The following NMNAT2 variants were observed in gnomAD, a reference collection of about 807,000 sequenced individuals.
NMNAT2 encodes the protein nicotinamide nucleotide adenylyltransferase 2, also known as nicotinamide/nicotinic acid mononucleotide adenylyltransferase 2.
A neutral mutation model predicts 41.6 loss-of-function variants in NMNAT2; 11 were observed. The ratio of observed to expected loss-of-function variants is 0.26; its 90% CI spans 0.17 to 0.44. NMNAT2 has a LOEUF of 0.44. NMNAT2 is among the 20% of genes least tolerant of loss of function. The pLI, the probability that NMNAT2 is intolerant of heterozygous loss-of-function variation, is 1.00. For missense variants in NMNAT2, 288 were observed against 407.7 expected, an observed-to-expected ratio of 0.71 and a Z score of 2.53; for synonymous variants, 148 against 151.2, an observed-to-expected ratio of 0.98 and a Z score of 0.16.
intron 1 of NMNAT2, among the ~76,000 whole-genome samples, chr1:183,369,431 C>T (rs571149226): frequency 5.9e-4 from 89 of 152,120 alleles, no homozygotes; most frequent in African/African-American, 2.0e-3. Context: ...CATGCACCAC[C>T]ATGCCCAGCT....
rs368308589 is a variant in NMNAT2, at chr1:183,290,140, C to T, written c.309G>A (p.Arg103=). Residue 103 remains arginine (R), a synonymous_variant, in exon 4 of 11, where the codon CGG becomes CGA. Transcript: ENST00000287713. The stretch of plus-strand genomic sequence containing the variant: ...TGGCCCAGCTCACCTTCATGAGGTC[C>T]CGGTGGTGTTCCAACACGCTGCAGG... ...QTTCSVLEHH[R]DLMKRVTGCI... is the part of the protein sequence containing the mutation. 3.1e-5 allele frequency: 49 copies of T among 1,579,716 alleles called. No homozygotes were observed. The African/African-American group carries it at 6.2e-4, about 20-fold the overall frequency.
chr1:183,417,908 C>T (rs1470352067), intron 1 of NMNAT2, among the ~76,000 whole-genome samples: 1 of 152,144 alleles, frequency 6.6e-6, no homozygotes, highest in Non-Finnish European at 1.5e-5. Flanking sequence ...GAACCCCTGC[C>T]CAGCCCCAAA....
At chr1:183,331,351 G>A (rs547296586) in intron 1 of NMNAT2, among the ~76,000 whole-genome samples, 9 of 152,300 alleles carry the variant, frequency 5.9e-5, no homozygotes, top group African/African-American at 1.7e-4. Context: ...ACTGGCTGAC[G>A]GGAGGCGAGG....
chr1:183,341,732 A>AAAAAAAAAAAAAAAAAAAAAG (rs1662814216), intron 1 of NMNAT2, among the ~76,000 whole-genome samples: 1 of 138,914 alleles, frequency 7.2e-6, no homozygotes, highest in Non-Finnish European at 1.6e-5. Context: ...CACCAAAAAA[A>AAAAAAAAAAAAAAAAAAAAAG]AAAAAAAAAA....
intron 1 of NMNAT2, among the ~76,000 whole-genome samples, chr1:183,340,490 A>AT (rs1405059100): frequency 4.0e-5 from 6 of 151,782 alleles, no homozygotes; most frequent in African/African-American, 1.5e-4. Context: ...CACCTGGCTA[A>AT]TTTTTGTATT....
chr1:183,346,118 C>T (rs377111175), intron 1 of NMNAT2, among the ~76,000 whole-genome samples: 1 of 152,158 alleles, frequency 6.6e-6, no homozygotes, highest in Non-Finnish European at 1.5e-5. Flanking sequence ...AGCTCCAATT[C>T]TACTGCTGCT....
At chr1:183,295,655 T>C (rs1041215864) in intron 1 of NMNAT2, among the ~76,000 whole-genome samples, 3 of 152,204 alleles carry the variant, frequency 2.0e-5, no homozygotes, top group African/African-American at 4.8e-5. Flanking sequence ...AAATTCAGTG[T>C]TCCACCCATT....
At chr1:183,257,628 G>T (rs1261563398) in intron 10 of NMNAT2, among the ~76,000 whole-genome samples, 1 of 152,074 alleles carries the variant, frequency 6.6e-6, no homozygotes, top group African/African-American at 2.4e-5. Flanking sequence ...ATTTATCCCT[G>T]CCCTCTAGGT....
chr1:183,416,483 A>T (rs1387957206), intron 1 of NMNAT2, among the ~76,000 whole-genome samples: 1 of 152,252 alleles, frequency 6.6e-6, no homozygotes, highest in African/African-American at 2.4e-5. Context: ...CCAGCATCAA[A>T]GGAAAGTGAA....
intron 1 of NMNAT2, among the ~76,000 whole-genome samples, chr1:183,386,406 C>G (rs750323958): frequency 1.3e-5 from 2 of 152,020 alleles, no homozygotes; most frequent in Non-Finnish European, 2.9e-5. Context: ...AGCAATGTAC[C>G]ATTTGGGGGA....
intron 1 of NMNAT2, among the ~76,000 whole-genome samples, chr1:183,302,657 T>C (rs1300130449): frequency 6.6e-6 from 1 of 152,144 alleles, no homozygotes; most frequent in African/African-American, 2.4e-5. Flanking sequence ...AGGGCCACTG[T>C]TCCCCTGCCC....
intron 1 of NMNAT2, among the ~76,000 whole-genome samples, chr1:183,399,514 C>T (rs928864669): frequency 6.6e-6 from 1 of 152,270 alleles, no homozygotes; most frequent in African/African-American, 2.4e-5. Flanking sequence ...CCTTCTGAAA[C>T]TTTTCCAATC....
intron 1 of NMNAT2, among the ~76,000 whole-genome samples, chr1:183,316,809 A>G (rs1662261860): frequency 6.6e-6 from 1 of 152,220 alleles, no homozygotes; most frequent in African/African-American, 2.4e-5. Flanking sequence ...TTCACTAGGT[A>G]AAATGTGTTG....
intron 1 of NMNAT2, among the ~76,000 whole-genome samples, chr1:183,393,201 T>TGTC (rs940461842): frequency 8.5e-5 from 13 of 152,244 alleles, no homozygotes; most frequent in African/African-American, 3.1e-4. Context: ...TAACTTCAGT[T>TGTC]GTCATCATCA....
intron 1 of NMNAT2, among the ~76,000 whole-genome samples, chr1:183,331,940 C>T (rs1411338411): frequency 3.3e-5 from 5 of 152,162 alleles, no homozygotes; most frequent in Admixed American, 6.5e-5. Context: ...CTCGCCACCA[C>T]GCCCGGCTAA....
At chr1:183,266,686 G>T in intron 8 of NMNAT2, 1 of 181,752 alleles carries the variant, frequency 5.5e-6, no homozygotes, top group Non-Finnish European at 1.2e-5. Flanking sequence ...ATAGCCTTAA[G>T]GGTTGTGCAT....
intron 8 of NMNAT2, among the ~76,000 whole-genome samples, chr1:183,265,520 C>T (rs970199677): frequency 6.6e-6 from 1 of 152,100 alleles, no homozygotes; most frequent in Non-Finnish European, 1.5e-5. Flanking sequence ...CTCCCTCGGC[C>T]TCCCAAAGTG....
At chr1:183,350,838 A>G (rs1663029759) in intron 1 of NMNAT2, among the ~76,000 whole-genome samples, 1 of 152,214 alleles carries the variant, frequency 6.6e-6, no homozygotes, top group Admixed American at 6.5e-5. Flanking sequence ...GTAAGGCTCA[A>G]AGAAATTAAG....
chr1:183,344,268 A>T (rs1320052900), intron 1 of NMNAT2, among the ~76,000 whole-genome samples: 1 of 152,206 alleles, frequency 6.6e-6, no homozygotes, highest in Non-Finnish European at 1.5e-5. Context: ...TGCATTATAG[A>T]TGAGGAAACC....
Sources: gnomAD v4.1 joint callset for allele counts (sites outside exome capture counted in the v4.1 genomes callset) on GRCh38, gnomAD v4.1.1 for gene constraint, MANE v1.5 for transcripts, NCBI Gene and HGNC (gene_info 2026-07-23, HGNC 2026-07-21) for gene names.